Variants in SSBP3 observed in about 807,000 individuals in gnomAD.
SSBP3 encodes single stranded DNA binding protein 3.
SSBP3 carries 5 observed loss-of-function variants against 69.6 expected under a neutral mutation model. That is an observed-to-expected ratio of 0.07 (90% CI 0.04 to 0.15). The LOEUF (loss-of-function observed/expected upper bound fraction) is 0.15. Among genes scored for constraint, SSBP3 ranks in the 10% least tolerant of loss-of-function variants. The pLI is 1.00. For synonymous variants in SSBP3, 196 were observed against 193.4 expected (o/e 1.01, Z -0.11); for missense variants, 312 against 534.0 (o/e 0.58, Z 4.10).
intron 5 of SSBP3, among the ~76,000 whole-genome samples, chr1:54,274,699 C>T (rs1645253731): frequency 6.6e-6 from 1 of 152,204 alleles, no homozygotes; most frequent in African/African-American, 2.4e-5. Context: ...AGCTGGACTC[C>T]ACACTGGCCA....
chr1:54,391,469 C>G (rs951044164), intron 4 of SSBP3, among the ~76,000 whole-genome samples: 3 of 152,218 alleles, frequency 2.0e-5, no homozygotes, highest in Non-Finnish European at 2.9e-5. Flanking sequence ...GTCTATAAAG[C>G]TACGCTCTGC....
chr1:54,376,434 C>T (rs551550555), intron 4 of SSBP3, among the ~76,000 whole-genome samples: 3 of 152,304 alleles, frequency 2.0e-5, no homozygotes, highest in African/African-American at 4.8e-5. Flanking sequence ...CCTGAAGACG[C>T]AGCCCTTACA....
At chr1:54,266,186 T>C (rs1453045551) in intron 5 of SSBP3, among the ~76,000 whole-genome samples, 1 of 152,204 alleles carries the variant, frequency 6.6e-6, no homozygotes, top group Non-Finnish European at 1.5e-5. Flanking sequence ...TGTGATCTCA[T>C]TGGTTCCAGG....
At chr1:54,286,209 A>G (rs1274031368) in intron 4 of SSBP3, 1 of 152,142 alleles carries the variant, frequency 6.6e-6, no homozygotes, top group Non-Finnish European at 1.5e-5. Flanking sequence ...TTCCTTCCTC[A>G]CCAATGCTTA....
chr1:54,387,838 C>T (rs1648200373), intron 4 of SSBP3, among the ~76,000 whole-genome samples: 1 of 152,188 alleles, frequency 6.6e-6, no homozygotes, highest in African/African-American at 2.4e-5. Flanking sequence ...TATCCTCAGA[C>T]ACAGGTACCC....
chr1:54,233,750 C>G (rs1160247414), intron 14 of SSBP3, among the ~76,000 whole-genome samples: 3 of 151,530 alleles, frequency 2.0e-5, no homozygotes, highest in Non-Finnish European at 3.0e-5. Context: ...GCTGCCCCGT[C>G]CGGGAGGGAG....
chr1:54,300,152 G>C (rs1245928409), intron 4 of SSBP3, among the ~76,000 whole-genome samples: 2 of 152,126 alleles, frequency 1.3e-5, no homozygotes, highest in Admixed American at 6.5e-5. Flanking sequence ...TGGACTCGTG[G>C]CTGGCCAGAG....
chr1:54,405,455 C>T (rs1488487497), intron 1 of SSBP3: 2 of 160,962 alleles, frequency 1.2e-5, no homozygotes, highest in Admixed American at 1.2e-4. Context: ...GAGCCGGTGA[C>T]GAAGCCGAGG....
At chr1:54,375,397 C>G (rs1168634949) in intron 4 of SSBP3, among the ~76,000 whole-genome samples, 5 of 152,220 alleles carry the variant, frequency 3.3e-5, no homozygotes, top group Admixed American at 6.5e-5. Flanking sequence ...TGTGGTGGAC[C>G]AGCCAGACTG....
chr1:54,266,710 G>A (rs893656789), intron 5 of SSBP3, among the ~76,000 whole-genome samples: 7 of 151,692 alleles, frequency 4.6e-5, no homozygotes, highest in Non-Finnish European at 8.8e-5. Flanking sequence ...GAAGTATAGT[G>A]ACATTAAGGC....
intron 4 of SSBP3, among the ~76,000 whole-genome samples, chr1:54,284,954 C>T (rs1485809918): frequency 6.6e-6 from 1 of 152,110 alleles, no homozygotes; most frequent in East Asian, 1.9e-4. Context: ...CTAGTAAATG[C>T]ACGGTGTAAT....
intron 4 of SSBP3, among the ~76,000 whole-genome samples, chr1:54,380,812 G>A (rs182789336): frequency 6.6e-6 from 1 of 152,240 alleles, no homozygotes; most frequent in Admixed American, 6.5e-5. Flanking sequence ...GTGGGCACCT[G>A]AAAGCTTCCT....
At chr1:54,250,589 G>C (rs946329523) in intron 9 of SSBP3, among the ~76,000 whole-genome samples, 1 of 152,152 alleles carries the variant, frequency 6.6e-6, no homozygotes. Context: ...ACCAGTGCAG[G>C]GGGCCCAGAG....
chr1:54,403,396 C>T (rs993957218), intron 3 of SSBP3, among the ~76,000 whole-genome samples: 2 of 152,158 alleles, frequency 1.3e-5, no homozygotes, highest in African/African-American at 4.8e-5. Context: ...AAGTAACCTT[C>T]AATCATAAAC....
At chr1:54,349,220 T>C (rs1369036319) in intron 4 of SSBP3, among the ~76,000 whole-genome samples, 1 of 152,212 alleles carries the variant, frequency 6.6e-6, no homozygotes, top group Non-Finnish European at 1.5e-5. Flanking sequence ...AACCCAGAGC[T>C]TGAGACCCAA....
In SSBP3 at chr1:54,243,433, C is replaced by T. The variant is rs1570240569; in HGVS notation, c.652-134G>A. The T allele has an allele frequency of 1.3e-5, 15 of 1,135,876 alleles. No homozygotes were observed. The East Asian group carries it at 3.1e-4, about 24-fold the overall frequency. The allele number at this position is 1,135,876 out of a possible 1,614,324, so 70.4% of individuals were successfully genotyped here. A position where few individuals can be genotyped will look rare whatever the true frequency, so the allele number is the denominator to read the frequency against. On this transcript the variant is annotated intron_variant, in intron 9 of 17. Coordinates refer to ENST00000610401, the Ensembl canonical transcript of SSBP3. ...GATTGATGAGAAAAAATAATACATTCTTTCAAAAACGGTGGGGCGGGTGGG... is the reference window on the plus strand; with the variant it reads ...GATTGATGAGAAAAAATAATACATTTTTTCAAAAACGGTGGGGCGGGTGGG...
chr1:54,358,052 C>T (rs1646895523), intron 4 of SSBP3, among the ~76,000 whole-genome samples: 2 of 152,208 alleles, frequency 1.3e-5, no homozygotes, highest in Non-Finnish European at 2.9e-5. Context: ...TAGCCCTCTG[C>T]AGCATCTGGG....
At chr1:54,312,308 G>C (rs1646017839) in intron 4 of SSBP3, among the ~76,000 whole-genome samples, 1 of 151,664 alleles carries the variant, frequency 6.6e-6, no homozygotes, top group Non-Finnish European at 1.5e-5. Context: ...AAAAAAAAGA[G>C]GCCGGACAAG....
At chr1:54,226,505 T>G (rs1351802132) in exon 18 of SSBP3, 1 of 152,818 alleles carries the variant, frequency 6.5e-6, no homozygotes, top group African/African-American at 2.4e-5. Context: ...AAAGGCCTTT[T>G]GAAAGAAACC....
Sources: gnomAD v4.1 joint callset for allele counts (sites outside exome capture counted in the v4.1 genomes callset) on GRCh38, gnomAD v4.1.1 for gene constraint, MANE v1.5 for transcripts, NCBI Gene and HGNC (gene_info 2026-07-23, HGNC 2026-07-21) for gene names.